CELSR2: variants seen among roughly 807,000 people sequenced by gnomAD.
The protein encoded by CELSR2 is EGF-like protein 2.
CELSR2 carries 81 observed loss-of-function variants against 251.6 expected under a neutral mutation model. The ratio of observed to expected loss-of-function variants is 0.32; its 90% confidence interval spans 0.27 to 0.39. CELSR2 has a LOEUF of 0.39. CELSR2 is among the 10% of genes least tolerant of loss of function. The pLI is 1.00. For synonymous variants in CELSR2, 1,721 were observed against 1,670.5 expected (o/e 1.03, Z -0.74); for missense variants, 3,365 against 3,947.7 (o/e 0.85, Z 3.96).
chr1:109,267,001 G>A (rs569220862), intron 15 of CELSR2, among the ~76,000 whole-genome samples: 4 of 152,232 alleles, frequency 2.6e-5, no homozygotes, highest in East Asian at 3.9e-4. Flanking sequence ...GATTACAGGC[G>A]TGAGCCACCG....
chr1:109,265,639 C>T (rs943123642), intron 13 of CELSR2, 96 bp from the exon 14 acceptor site: 11 of 1,446,164 alleles, frequency 7.6e-6, no homozygotes, highest in Admixed American at 4.1e-5. Flanking sequence ...GACCTGAGGT[C>T]GGGACCCTCT....
At chr1:109,266,446 C>T (rs1414523944) in intron 15 of CELSR2, 1 of 474,198 alleles carries the variant, frequency 2.1e-6, no homozygotes, top group African/African-American at 2.0e-5. Flanking sequence ...CAGAGTCTGT[C>T]ACTGTCACCC....
intron 1 of CELSR2, among the ~76,000 whole-genome samples, chr1:109,256,949 C>T (rs1285662855): frequency 5.9e-5 from 9 of 152,082 alleles, no homozygotes; most frequent in African/African-American, 1.7e-4. Context: ...TGAGCCACTG[C>T]GCCCGGCCCC....
chr1:109,274,363 G>T lies in CELSR2; in HGVS notation c.*314G>T. 1 of 476,284 alleles carries T rather than the reference G, an allele frequency of 2.1e-6. No homozygotes were observed. The highest frequency in any genetic ancestry group is 3.6e-6 in the Non-Finnish European group (1 of 278,222). The allele number at this position is 476,284 out of a possible 1,614,324, so 29.5% of individuals were successfully genotyped here. ...AGGATCTCCACTCTTCATGACTTCA[G>T]GGATTCATTTTTTTTATACGCTGGA... On this transcript the variant is annotated 3_prime_UTR_variant, in exon 34 of 34. Coordinates refer to ENST00000271332, the MANE Select transcript of CELSR2 (RefSeq NM_001408.3).
Position 109,251,150 on chromosome 1 carries a change from G to C in CELSR2, c.1071G>C (p.Arg357=). The change falls in exon 1 of 34, where the codon CGG becomes CGC. Residue 357 remains arginine, a synonymous_variant. Transcript: ENST00000271332. The surrounding 1 kb of genome is among the most constrained non-coding windows in gnomAD (Gnocchi z 4.9). ...TCCGAACCCGTGGCCCTGTGGATCG[G>C]GAAGAGGTGGAATCCTACCAGCTGA... The part of the protein sequence containing the change: ...GVIRTRGPVD[R]EEVESYQLTV... The C allele has an allele frequency of 6.2e-7, 1 of 1,613,252 alleles. No homozygotes were observed. The highest frequency in any genetic ancestry group is 1.3e-5 in the African/African-American group (1 of 75,046).
At position 109,269,668 on chromosome 1, in the gene CELSR2, T is replaced by C. The variant is rs751749361; in HGVS notation, c.6981-26T>C. ...CCCTGCATGCCTCACCCTCCTTGTC[T>C]CCCTGACCCTGCCTTCCTCACACAG... On this transcript the variant is annotated intron_variant, in intron 21 of 33. Coordinates refer to ENST00000271332, the MANE Select transcript of CELSR2 (RefSeq NM_001408.3). The surrounding 1 kb of genome is among the most constrained non-coding windows in gnomAD (Gnocchi z 6.4). The C allele has an allele frequency of 3.9e-5, 63 of 1,613,828 alleles. No individual in the cohort carries two copies. The highest frequency in any genetic ancestry group is 5.2e-5 in the Non-Finnish European group (61 of 1,179,906).
Position 109,272,625 on chromosome 1 carries a change from G to T in CELSR2, c.8055-15G>T. On this transcript the variant is annotated splice_polypyrimidine_tract_variant and intron_variant, in intron 29 of 33. Transcript: ENST00000271332. The stretch of plus-strand genomic sequence containing the variant: ...GGGCCAGGCTGACCCCTCCAGCATG[G>T]TCTCATCTTCCTAGGGAGGAGTCCG... 2 of 1,610,762 alleles carry T rather than the reference G, an allele frequency of 1.2e-6. No homozygotes were observed. The highest frequency in any genetic ancestry group is 2.2e-5 in the East Asian group (1 of 44,856).
rs201989141 is a variant in CELSR2 at position 109,264,597 on chromosome 1, C to T, written c.5433C>T (p.Asp1811=). 103 of 1,613,750 alleles carry T rather than the reference C, an allele frequency of 6.4e-5. No homozygotes were observed. In the African/African-American group the frequency reaches 1.0e-3, roughly 16 times the overall value. ...CTGCTAACAGCTATTGCAGCAACGA[C>T]TGGGACAGCTATTCCTGCAGCTGTG... is the stretch of plus-strand genomic sequence containing the variant. The part of the protein sequence containing the change: ...PCPANSYCSN[D]WDSYSCSCDP... The change falls in exon 11 of 34, where the codon GAC becomes GAT. Residue 1811 remains aspartate (D), a synonymous_variant. Coordinates refer to ENST00000271332, the MANE Select transcript of CELSR2 (RefSeq NM_001408.3).
chr1:109,256,507 G>A (rs1655852013), intron 1 of CELSR2, among the ~76,000 whole-genome samples: 1 of 152,176 alleles, frequency 6.6e-6, no homozygotes, highest in African/African-American at 2.4e-5. Flanking sequence ...CCGCAAGTAG[G>A]TACAACACAG....
chr1:109,270,075 C>T lies in CELSR2; in HGVS notation c.7250C>T (p.Ala2417Val), dbSNP rs1371134943. 2 of 1,614,166 alleles carry T rather than the reference C, an allele frequency of 1.2e-6. No homozygotes were observed. Among genetic ancestry groups the T allele is most frequent in the East Asian group, 2.2e-5 (1 of 44,880 alleles). The change falls in exon 23 of 34, where the codon GCT becomes GTT. Residue 2417 changes from alanine (A) to valine (V), a missense_variant. Coordinates refer to ENST00000271332, the MANE Select transcript of CELSR2 (RefSeq NM_001408.3). ...NQHGIRRNLTAALGLAQLVFL... is the reference protein window; with the variant it reads ...NQHGIRRNLTVALGLAQLVFL... Reference sequence around the variant, plus strand: ...CACGGCATCCGACGTAACCTGACAGCTGCCCTGGGCCTGGCTCAGCTGGTC... The same window carrying T: ...CACGGCATCCGACGTAACCTGACAGTTGCCCTGGGCCTGGCTCAGCTGGTC...
At position 109,252,036 on chromosome 1, in the gene CELSR2, C is replaced by T. The variant is rs1315895140; in HGVS notation, c.1957C>T (p.Arg653Ter). The change falls in exon 1 of 34, where the codon CGA becomes TGA. Residue 653 changes from arginine to a stop codon, truncating the protein, a stop_gained. Coordinates refer to ENST00000271332, the MANE Select transcript of CELSR2 (RefSeq NM_001408.3). LOFTEE classifies it high-confidence loss of function. This position sits in a 1 kb window ranked among gnomAD's most constrained non-coding sequence, Gnocchi z 4.8. The part of the protein sequence containing the change: ...ITYQITSGNT[R>*]NRFSITSQSG... ...CTACCAGATCACCAGTGGCAATACT[C>T]GAAACCGCTTCTCCATCACCAGCCA... The T allele has an allele frequency of 1.2e-6, 2 of 1,613,970 alleles. No homozygotes were observed. The highest frequency in any genetic ancestry group is 1.7e-6 in the Non-Finnish European group (2 of 1,180,030).
chr1:109,271,543 C>T, intron 27 of CELSR2, 31 bp downstream of exon 27: 1 of 1,614,160 alleles, frequency 6.2e-7, no homozygotes, highest in Non-Finnish European at 8.5e-7. Context: ...AGAAGGGAGG[C>T]ACCTGGGCTG....
chr1:109,252,843 G>A lies in CELSR2; in HGVS notation c.2764G>A (p.Glu922Lys), dbSNP rs747494318. 2 of 1,613,898 alleles carry A rather than the reference G, an allele frequency of 1.2e-6. No homozygotes were observed. The highest frequency in any genetic ancestry group is 1.7e-6 in the Non-Finnish European group (2 of 1,179,960). ...TGTGAATGACAATCCCCCTGTCTTT[G>A]AGCAGGATGAGTTTGATGTGTTTGT... Reference protein sequence around the residue: ...LDVNDNPPVFEQDEFDVFVEE... With the variant: ...LDVNDNPPVFKQDEFDVFVEE... Residue 922 changes from glutamate to lysine, a missense_variant, in exon 1 of 34, where the codon GAG becomes AAG. Glu to Lys is a moderately conservative substitution (Grantham distance 56). Around this residue, in one of 5 missense-constraint regions of CELSR2, gnomAD observed 505 missense variants for 660.0 expected, o/e 0.77. Transcript: ENST00000271332. The surrounding 1 kb of genome is among the most constrained non-coding windows in gnomAD (Gnocchi z 4.8).
In CELSR2 at chr1:109,273,586, G is replaced by A. The variant is rs1656439944; in HGVS notation, c.8660G>A (p.Ser2887Asn). Residue 2887 changes from serine (S) to asparagine (N), a missense_variant, in exon 33 of 34, where the codon AGC becomes AAC. By Grantham distance (46) the Ser-to-Asn change is conservative. Around this residue, in one of 5 missense-constraint regions of CELSR2, gnomAD observed 2,093 missense variants for 2,382.8 expected, o/e 0.88. Coordinates refer to ENST00000271332, the MANE Select transcript of CELSR2 (RefSeq NM_001408.3). ...CCTCCCCGCCCACCGCCCCGGCAGA[G>A]CCTCCAGGAGCAGCTGAACGGGGTC... is the stretch of plus-strand genomic sequence containing the variant. ...GPPPRPPPRQ[S>N]LQEQLNGVMP... 3 of 1,557,268 alleles carry A rather than the reference G, an allele frequency of 1.9e-6. No individual in the cohort carries two copies. Among genetic ancestry groups the A allele is most frequent in the Non-Finnish European group, 8.7e-7 (1 of 1,150,906 alleles).
chr1:109,270,759 C>T (rs1230360264), intron 24 of CELSR2, 159 bp downstream of exon 24: 30 of 1,068,486 alleles, frequency 2.8e-5, no homozygotes, highest in Middle Eastern at 4.2e-4. Context: ...ACTCTGCAGC[C>T]GCCACCCAGG....
At position 109,268,993 on chromosome 1, in the gene CELSR2, G is replaced by A. The variant is rs1159195103; in HGVS notation, c.6616G>A (p.Glu2206Lys). The A allele has an allele frequency of 7.4e-6, 12 of 1,612,610 alleles. No individual in the cohort carries two copies. Among genetic ancestry groups the A allele is most frequent in the Non-Finnish European group, 1.0e-5 (12 of 1,178,974 alleles). Residue 2206 changes from glutamate (E) to lysine (K), a missense_variant, in exon 19 of 34, where the codon GAG becomes AAG. Coordinates refer to ENST00000271332, the MANE Select transcript of CELSR2 (RefSeq NM_001408.3). ...CCTTGAGACAACAGTCATTCTGCCT[G>A]AGTCTGTCTTCAGAGGTCAGTGGTG... ...PDLETTVILP[E>K]SVFRETPPVV...
Position 109,274,291 on chromosome 1 carries a change from C to G in CELSR2, c.*242C>G. The G allele has an allele frequency of 2.3e-6, 2 of 874,922 alleles. No individual in the cohort carries two copies. The highest frequency in any genetic ancestry group is 3.3e-6 in the Non-Finnish European group (2 of 610,896). 54.2% of individuals were successfully genotyped at this position (874,922 alleles called of 1,614,324 possible). ...CACTTTGGACCCCTGGGGCCAACAT[C>G]TCCAAGACAAAGTTTTTCAGAAAAG... On this transcript the variant is annotated 3_prime_UTR_variant, in exon 34 of 34. Coordinates refer to ENST00000271332, the MANE Select transcript of CELSR2 (RefSeq NM_001408.3).
At position 109,265,228 on chromosome 1, in the gene CELSR2, C is replaced by G; in HGVS notation, c.5644C>G (p.Pro1882Ala). The G allele has an allele frequency of 6.2e-7, 1 of 1,612,060 alleles. No homozygotes were observed. Among genetic ancestry groups the G allele is most frequent in the Non-Finnish European group, 8.5e-7 (1 of 1,178,688 alleles). The change falls in exon 13 of 34, where the codon CCC becomes GCC. Residue 1882 changes from proline to alanine, a missense_variant. Coordinates refer to ENST00000271332, the MANE Select transcript of CELSR2 (RefSeq NM_001408.3). Reference protein sequence around the residue: ...QPCPRGWWGHPTCGPCNCDVS... With the variant: ...QPCPRGWWGHATCGPCNCDVS... ...TTGTCCCCGTGGCTGGTGGGGACAT[C>G]CCACATGTGGCCCATGCAACTGTGA...
chr1:109,270,282 C>T (rs1479460465), intron 23 of CELSR2, 144 bp from the exon 24 acceptor site: 16 of 1,258,520 alleles, frequency 1.3e-5, no homozygotes, highest in East Asian at 4.7e-5. Flanking sequence ...GTGGCTCCCC[C>T]GGGATCCCCC....
Sources: gnomAD v4.1 joint callset for allele counts (sites outside exome capture counted in the v4.1 genomes callset) on GRCh38, gnomAD v4.1.1 for gene constraint, gnomAD v4.1.1 regional missense constraint, Gnocchi (gnomAD v3.1) non-coding constraint, MANE v1.5 for transcripts, NCBI Gene and HGNC (gene_info 2026-07-23, HGNC 2026-07-21) for gene names.